GALNT13: variants seen among roughly 807,000 people sequenced by gnomAD.
The protein encoded by GALNT13 is polypeptide N-acetylgalactosaminyltransferase 13, also known as UDP-GalNAc:polypeptide N-acetylgalactosaminyltransferase 13.
A neutral mutation model predicts 64.2 loss-of-function variants in GALNT13; 28 were observed. The ratio of observed to expected loss-of-function variants is 0.44; its 90% CI spans 0.32 to 0.60. The LOEUF (loss-of-function observed/expected upper bound fraction) is 0.60. GALNT13 is among the 20% of genes least tolerant of loss of function. The probability of loss-of-function intolerance (pLI) is 0.05; values close to 1 mark genes in which losing one functional copy is unlikely to be tolerated. For synonymous variants in GALNT13, 214 were observed against 224.6 expected (o/e 0.95, Z 0.42); for missense variants, 577 against 669.8 (o/e 0.86, Z 1.53).
At chr2:153,739,755 C>T in the GALNT13 span, among the ~76,000 whole-genome samples, 2 of 151,038 alleles carry the variant, frequency 1.3e-5, no homozygotes, top group South Asian at 4.2e-4. Flanking sequence ...ATGTATGTTG[C>T]TCATTTTGAT....
the GALNT13 span, among the ~76,000 whole-genome samples, chr2:153,494,333 A>G: frequency 6.6e-6 from 1 of 152,068 alleles, no homozygotes; most frequent in Non-Finnish European, 1.5e-5. Context: ...GACCTAGAAT[A>G]CTGCGGGCAA....
At chr2:153,106,574 A>C in the GALNT13 span, among the ~76,000 whole-genome samples, 1 of 152,136 alleles carries the variant, frequency 6.6e-6, no homozygotes. Context: ...AAAGAAATCC[A>C]AGACAACTTC....
the GALNT13 span, among the ~76,000 whole-genome samples, chr2:153,800,288 A>G: frequency 6.6e-6 from 1 of 152,102 alleles, no homozygotes; most frequent in African/African-American, 2.4e-5. Flanking sequence ...AAATTCACAT[A>G]CCTTAAAGAA....
At chr2:153,343,369 T>G in the GALNT13 span, among the ~76,000 whole-genome samples, 31 of 152,314 alleles carry the variant, frequency 2.0e-4, no homozygotes, top group African/African-American at 7.0e-4. Context: ...ATAGCTATTA[T>G]GTTATTTAAA....
the GALNT13 span, among the ~76,000 whole-genome samples, chr2:153,233,409 G>T: frequency 2.6e-5 from 4 of 151,808 alleles, no homozygotes; most frequent in African/African-American, 9.7e-5. Context: ...TCTATCTAGA[G>T]GATAGTTCAC....
the GALNT13 span, among the ~76,000 whole-genome samples, chr2:153,533,409 G>A: frequency 1.3e-5 from 2 of 151,774 alleles, no homozygotes; most frequent in African/African-American, 2.4e-5. Context: ...CTGCCACCAC[G>A]TCCAGCTAAT....
In GALNT13 at chr2:154,124,509, C is replaced by A. The variant is rs117719600; in HGVS notation, c.143-15828C>A. Among the ~76,000 whole-genome samples the A allele has an allele frequency of 2.9e-4, 44 of 152,072 alleles. 1 individual carries two copies. In the East Asian group the frequency reaches 7.9e-3, roughly 27 times the overall value. ...AATTATAGTTATTAAAAAATGACTT[C>A]TTTTCATTAGATGAGATATTTTGAT... On this transcript the variant is annotated intron_variant, in intron 3 of 12. Coordinates refer to ENST00000392825, the MANE Select transcript of GALNT13 (RefSeq NM_052917.4).
the GALNT13 span, among the ~76,000 whole-genome samples, chr2:153,395,044 G>C: frequency 6.6e-6 from 1 of 152,262 alleles, no homozygotes; most frequent in South Asian, 2.1e-4. Context: ...GTCAGCTAGA[G>C]ACCACTCTTA....
At chr2:153,467,611 A>G in the GALNT13 span, among the ~76,000 whole-genome samples, 1 of 151,970 alleles carries the variant, frequency 6.6e-6, no homozygotes. Flanking sequence ...TTTCTTTTTC[A>G]TGGGAATGCG....
the GALNT13 span, among the ~76,000 whole-genome samples, chr2:153,120,478 G>A: frequency 6.6e-6 from 1 of 152,044 alleles, no homozygotes; most frequent in East Asian, 1.9e-4. Flanking sequence ...TTCTACTTAT[G>A]ACCCTCAGGC....
At chr2:153,607,501 G>A in the GALNT13 span, among the ~76,000 whole-genome samples, 1 of 152,086 alleles carries the variant, frequency 6.6e-6, no homozygotes, top group Non-Finnish European at 1.5e-5. Context: ...TCAGTAAAGG[G>A]AGGAAGTATT....
chr2:153,406,887 GT>G, the GALNT13 span, among the ~76,000 whole-genome samples: 10 of 152,132 alleles, frequency 6.6e-5, no homozygotes, highest in South Asian at 1.0e-3. Context: ...ATTCTAAACT[GT>G]TTTCACATGT....
chr2:153,408,713 T>C, the GALNT13 span, among the ~76,000 whole-genome samples: 4 of 151,598 alleles, frequency 2.6e-5, no homozygotes, highest in African/African-American at 9.7e-5. Flanking sequence ...TGAAGACAAA[T>C]GCTAGGGAAA....
At chr2:154,238,884 A>C (rs909599132) in intron 4 of GALNT13, among the ~76,000 whole-genome samples, 2 of 152,082 alleles carry the variant, frequency 1.3e-5, no homozygotes, top group Non-Finnish European at 2.9e-5. Flanking sequence ...TTTTAACTAC[A>C]GTATACAATA....
chr2:154,081,661 A>G (rs1701277381), intron 3 of GALNT13, among the ~76,000 whole-genome samples: 1 of 151,736 alleles, frequency 6.6e-6, no homozygotes, highest in South Asian at 2.1e-4. Flanking sequence ...ATAGCGCAAT[A>G]TATTCCCCCA....
the GALNT13 span, among the ~76,000 whole-genome samples, chr2:153,636,460 G>A: frequency 6.6e-6 from 1 of 152,064 alleles, no homozygotes; most frequent in South Asian, 2.1e-4. Context: ...TATTTAATAG[G>A]CAGAATTTCC....
At chr2:153,232,914 C>A in the GALNT13 span, among the ~76,000 whole-genome samples, 1 of 152,130 alleles carries the variant, frequency 6.6e-6, no homozygotes, top group African/African-American at 2.4e-5. Flanking sequence ...TGCTCCCATC[C>A]ATTATGTCTC....
At chr2:153,994,194 G>A (rs1695362597) in intron 3 of GALNT13, among the ~76,000 whole-genome samples, 1 of 152,054 alleles carries the variant, frequency 6.6e-6, no homozygotes, top group African/African-American at 2.4e-5. Context: ...GCGATAGTTT[G>A]CTGAGAATGA....
At chr2:154,154,688 A>T (rs1168867352) in intron 4 of GALNT13, among the ~76,000 whole-genome samples, 2 of 152,004 alleles carry the variant, frequency 1.3e-5, no homozygotes, top group Non-Finnish European at 2.9e-5. Context: ...AAAACACCAA[A>T]CTTAAGATAG....
Sources: gnomAD v4.1 joint callset for allele counts (sites outside exome capture counted in the v4.1 genomes callset) on GRCh38, gnomAD v4.1.1 for gene constraint, MANE v1.5 for transcripts, NCBI Gene and HGNC (gene_info 2026-07-23, HGNC 2026-07-21) for gene names.